ARID5B: variants seen among roughly 807,000 people sequenced by gnomAD.
ARID5B encodes AT-rich interactive domain-containing protein 5B.
Under a neutral mutation model 97.2 loss-of-function variants are expected in ARID5B, and 13 were observed. The ratio of observed to expected loss-of-function variants is 0.13; its 90% CI spans 0.09 to 0.21. The LOEUF (loss-of-function observed/expected upper bound fraction) is 0.21. Ranked by LOEUF, ARID5B falls within the 10% of genes least tolerant of loss-of-function variation. The pLI, the probability that ARID5B is intolerant of heterozygous loss-of-function variation, is 1.00. For missense variants in ARID5B, 1,210 were observed against 1,465.3 expected (o/e 0.83, Z 2.84); for synonymous variants, 556 against 570.3 (o/e 0.97, Z 0.36).
chr10:61,949,078 G>T (rs1240167032), intron 3 of ARID5B, among the ~76,000 whole-genome samples: 1 of 152,188 alleles, frequency 6.6e-6, no homozygotes, highest in African/African-American at 2.4e-5. Flanking sequence ...AGTTCCTGTA[G>T]TTTTTTACTC....
intron 4 of ARID5B, among the ~76,000 whole-genome samples, chr10:62,004,244 T>C (rs540922835): frequency 2.0e-5 from 3 of 152,332 alleles, no homozygotes; most frequent in Admixed American, 2.0e-4. Flanking sequence ...TCTAAACCTA[T>C]GACATAAGCA....
intron 2 of ARID5B, among the ~76,000 whole-genome samples, chr10:61,914,681 T>C (rs1843868440): frequency 6.6e-6 from 1 of 152,228 alleles, no homozygotes; most frequent in South Asian, 2.1e-4. Context: ...CACAACATTT[T>C]CCATTAATTC....
intron 8 of ARID5B, among the ~76,000 whole-genome samples, chr10:62,081,094 C>T (rs1006266136): frequency 7.9e-5 from 12 of 152,200 alleles, no homozygotes; most frequent in African/African-American, 2.9e-4. Context: ...TGAGCTACCA[C>T]ACTTGGCCAG....
intron 8 of ARID5B, among the ~76,000 whole-genome samples, chr10:62,082,872 G>A (rs2278307): frequency 3.3e-5 from 5 of 152,178 alleles, no homozygotes; most frequent in Non-Finnish European, 7.4e-5. Flanking sequence ...ATGAAGCAGC[G>A]ATTGTGTGCC....
intron 5 of ARID5B, 91 bp from the exon 6 acceptor site, chr10:62,057,026 G>A (rs1564638865): frequency 2.4e-6 from 3 of 1,257,536 alleles, no homozygotes; most frequent in Non-Finnish European, 3.4e-6. Flanking sequence ...AGCACTCACT[G>A]AAAAGTGTTG....
intron 4 of ARID5B, among the ~76,000 whole-genome samples, chr10:62,014,140 A>G (rs1241874354): frequency 2.0e-5 from 3 of 152,176 alleles, no homozygotes; most frequent in Non-Finnish European, 4.4e-5. Context: ...TTGCTGGATC[A>G]TATGGTAATT....
At chr10:62,069,046 C>T (rs1840028806) in intron 7 of ARID5B, among the ~76,000 whole-genome samples, 1 of 152,062 alleles carries the variant, frequency 6.6e-6, no homozygotes, top group Admixed American at 6.5e-5. Context: ...TAAAAATAAA[C>T]AGCTTGCAAC....
intron 4 of ARID5B, among the ~76,000 whole-genome samples, chr10:62,006,811 C>A (rs923183257): frequency 7.2e-5 from 11 of 152,132 alleles, no homozygotes; most frequent in African/African-American, 2.7e-4. Context: ...TCGAGGATTT[C>A]TTTTCTGTTT....
chr10:61,991,072 A>ACACACACACACACC (rs1197812071), intron 3 of ARID5B, among the ~76,000 whole-genome samples: 2 of 150,510 alleles, frequency 1.3e-5, no homozygotes, highest in Non-Finnish European at 3.0e-5. Flanking sequence ...ACACACACAC[A>ACACACACACACACC]CCAAATTTTG....
chr10:62,057,681 A>C (rs928874072), intron 6 of ARID5B, among the ~76,000 whole-genome samples: 2 of 152,222 alleles, frequency 1.3e-5, no homozygotes, highest in Non-Finnish European at 2.9e-5. Flanking sequence ...CCTGTGAAAA[A>C]AACAGCTTTT....
intron 2 of ARID5B, among the ~76,000 whole-genome samples, chr10:61,931,114 G>A (rs180932287): frequency 2.5e-4 from 38 of 152,234 alleles, no homozygotes; most frequent in Non-Finnish European, 4.4e-4. Context: ...ATAAGAAAAC[G>A]CCTTGGGTTA....
intron 4 of ARID5B, among the ~76,000 whole-genome samples, chr10:62,029,269 G>A (rs1377145701): frequency 3.3e-5 from 5 of 152,286 alleles, no homozygotes; most frequent in Non-Finnish European, 5.9e-5. Flanking sequence ...GGTATGCCAT[G>A]CCTTCTCTTT....
At chr10:62,001,290 T>G (rs1306292458) in intron 4 of ARID5B, among the ~76,000 whole-genome samples, 1 of 152,134 alleles carries the variant, frequency 6.6e-6, no homozygotes, top group Non-Finnish European at 1.5e-5. Flanking sequence ...ACCCTACCCC[T>G]TCTCTGGAAT....
At chr10:61,999,650 A>C (rs905847750) in intron 3 of ARID5B, among the ~76,000 whole-genome samples, 1 of 152,234 alleles carries the variant, frequency 6.6e-6, no homozygotes, top group African/African-American at 2.4e-5. Context: ...ACGTGGAACC[A>C]TCGTTCAGTT....
intron 4 of ARID5B, among the ~76,000 whole-genome samples, chr10:62,008,951 TC>T (rs1229252096): frequency 2.6e-5 from 4 of 152,220 alleles, no homozygotes; most frequent in Admixed American, 2.0e-4. Context: ...AGGTCTAATT[TC>T]AAAAAAATGA....
intron 3 of ARID5B, among the ~76,000 whole-genome samples, chr10:61,996,835 G>A (rs1303767932): frequency 2.6e-5 from 4 of 151,020 alleles, no homozygotes; most frequent in African/African-American, 9.7e-5. Flanking sequence ...TTTGTTCTAT[G>A]TACTGGGGGG....
chr10:62,022,751 A>G (rs1839372094), intron 4 of ARID5B, among the ~76,000 whole-genome samples: 2 of 152,312 alleles, frequency 1.3e-5, no homozygotes, highest in South Asian at 4.1e-4. Flanking sequence ...TCCTTGAGAT[A>G]TTCCCTGGGT....
chr10:62,049,475 C>T, intron 4 of ARID5B: 1 of 1,550,508 alleles, frequency 6.4e-7, no homozygotes, highest in Non-Finnish European at 8.7e-7. Flanking sequence ...TGTTTGTCGA[C>T]TGGAATGGGT....
intron 3 of ARID5B, among the ~76,000 whole-genome samples, chr10:61,980,956 G>A (rs369982264): frequency 9.2e-5 from 14 of 152,288 alleles, no homozygotes; most frequent in African/African-American, 2.9e-4. Flanking sequence ...TGCTGCTTCC[G>A]TGGCATCTGC....
Sources: gnomAD v4.1 joint callset for allele counts (sites outside exome capture counted in the v4.1 genomes callset) on GRCh38, gnomAD v4.1.1 for gene constraint, MANE v1.5 for transcripts, NCBI Gene and HGNC (gene_info 2026-07-23, HGNC 2026-07-21) for gene names.